The following KMT5A variants were observed in gnomAD, a reference collection of about 807,000 sequenced individuals.
KMT5A encodes the protein lysine methyltransferase 5A.
Under a neutral mutation model 40.6 loss-of-function variants are expected in KMT5A, and 6 were observed. That is an observed-to-expected ratio of 0.15 (90% CI 0.08 to 0.29). The LOEUF (loss-of-function observed/expected upper bound fraction) is 0.29, where lower values mean the gene tolerates loss of function less well. KMT5A is among the 10% of genes least tolerant of loss of function. The probability of loss-of-function intolerance (pLI) is 1.00; values close to 1 mark genes in which losing one functional copy is unlikely to be tolerated. For missense variants in KMT5A, 308 were observed against 459.1 expected (o/e 0.67, Z 3.01); for synonymous variants, 153 against 178.8 (o/e 0.86, Z 1.15).
At chr12:123,396,109 G>A (rs1349606380) in intron 4 of KMT5A, among the ~76,000 whole-genome samples, 1 of 152,156 alleles carries the variant, frequency 6.6e-6, no homozygotes, top group Non-Finnish European at 1.5e-5. Context: ...GCCTCCCAGA[G>A]TGTTGGCATT....
chr12:123,393,922 T>C (rs1231535075), intron 3 of KMT5A, among the ~76,000 whole-genome samples: 1 of 152,148 alleles, frequency 6.6e-6, no homozygotes, highest in Non-Finnish European at 1.5e-5. Context: ...ACTGTTACGT[T>C]CCTGCATAGA....
At chr12:123,402,183 C>T (rs1440927703) in intron 5 of KMT5A, among the ~76,000 whole-genome samples, 1 of 152,216 alleles carries the variant, frequency 6.6e-6, no homozygotes, top group Non-Finnish European at 1.5e-5. Flanking sequence ...CCCCTGGCCT[C>T]ATTTACATTT....
At chr12:123,386,407 G>T (rs1876876110) in intron 1 of KMT5A, among the ~76,000 whole-genome samples, 1 of 151,862 alleles carries the variant, frequency 6.6e-6, no homozygotes, top group African/African-American at 2.4e-5. Context: ...GTAGAGACGG[G>T]GTTTCGCCAT....
intron 3 of KMT5A, among the ~76,000 whole-genome samples, chr12:123,393,335 A>G (rs1037364215): frequency 6.6e-6 from 1 of 152,152 alleles, no homozygotes; most frequent in Non-Finnish European, 1.5e-5. Context: ...CACCCCAGAA[A>G]GGTACCCATT....
intron 3 of KMT5A, among the ~76,000 whole-genome samples, chr12:123,394,416 A>G (rs1877541317): frequency 1.3e-5 from 2 of 152,104 alleles, no homozygotes; most frequent in Admixed American, 6.6e-5. Flanking sequence ...TTACTTAGTT[A>G]TTTAAAAGTA....
At chr12:123,391,832 G>A (rs769838724) in intron 3 of KMT5A, among the ~76,000 whole-genome samples, 1 of 152,204 alleles carries the variant, frequency 6.6e-6, no homozygotes, top group Non-Finnish European at 1.5e-5. Flanking sequence ...CATAAATGAC[G>A]ATTTGGCATG....
chr12:123,389,675 T>A, intron 2 of KMT5A, 121 bp downstream of exon 2: 2 of 683,116 alleles, frequency 2.9e-6, no homozygotes, highest in African/African-American at 3.9e-5. Context: ...TGCTGCCGCC[T>A]GGCTGGGAGT....
In KMT5A at chr12:123,390,108, G is replaced by A. The variant is rs746618127; in HGVS notation, c.133-522G>A. 4.5e-5 allele frequency: 21 copies of A among 468,956 alleles called. 1 individual carries two copies. Among genetic ancestry groups the A allele is most frequent in the South Asian group, 3.1e-4 (20 of 64,576 alleles). The allele number at this position is 468,956 out of a possible 1,614,324, so 29.0% of individuals were successfully genotyped here. ...CAGTCACCCTGAGAGAAGTCCTCCC[G>A]TCGCAGCCCTGGAGGCTGCGGGGCT... is the stretch of plus-strand genomic sequence containing the variant. On this transcript the variant is annotated intron_variant, in intron 2 of 7. Coordinates refer to ENST00000402868, the MANE Select transcript of KMT5A (RefSeq NM_020382.7).
chr12:123,398,965 C>T lies in KMT5A; in HGVS notation c.597+2533C>T, dbSNP rs188030231. Among the ~76,000 whole-genome samples, 192 of 152,264 alleles carry T rather than the reference C, an allele frequency of 1.3e-3. 3 individuals are homozygous for T. Among genetic ancestry groups the T allele is most frequent in the Admixed American group, 9.2e-3 (140 of 15,216 alleles). ...AAGACAGCAGCCAGGGCGGGCCTAG[C>T]GCCAGGGCGTGGGTCCTGGGCAACA... On this transcript the variant is annotated intron_variant, in intron 5 of 7. Coordinates refer to ENST00000402868, the MANE Select transcript of KMT5A (RefSeq NM_020382.7).
rs1412395408 is a variant in KMT5A at position 123,384,484 on chromosome 12, CAT to C, written c.10+279_10+280del. 1.3e-5 allele frequency among the ~76,000 whole-genome samples: 2 copies of C among 152,244 alleles called. No individual in the cohort carries two copies. Among genetic ancestry groups the C allele is most frequent in the African/African-American group, 4.8e-5 (2 of 41,464 alleles). ...GCCTGCCTCTCCACGGCAGCAGATC[CAT>C]ATGTCAGAGCTCTTTGGAAACTAAA... On this transcript the variant is annotated intron_variant, in intron 1 of 7. Coordinates refer to ENST00000402868, the MANE Select transcript of KMT5A (RefSeq NM_020382.7). This position sits in a 1 kb window ranked among gnomAD's most constrained non-coding sequence, Gnocchi z 5.7.
At chr12:123,388,955 C>G (rs1877041426) in intron 1 of KMT5A, 1 of 143,626 alleles carries the variant, frequency 7.0e-6, no homozygotes, top group Non-Finnish European at 1.5e-5. Context: ...CGGCTGCGAG[C>G]GGGCGGGAGG....
At chr12:123,387,006 G>A (rs546630409) in intron 1 of KMT5A, among the ~76,000 whole-genome samples, 2 of 152,018 alleles carry the variant, frequency 1.3e-5, no homozygotes, top group South Asian at 2.1e-4. Flanking sequence ...ACAGGCATGC[G>A]CAACCACGCC....
intron 1 of KMT5A, among the ~76,000 whole-genome samples, chr12:123,387,019 G>A (rs1876914218): frequency 6.6e-6 from 1 of 152,098 alleles, no homozygotes; most frequent in Non-Finnish European, 1.5e-5. Flanking sequence ...ACCACGCCAA[G>A]CTAATTTTTG....
At chr12:123,396,225 G>GT in intron 4 of KMT5A, 120 bp from the exon 5 acceptor site, 1 of 888,048 alleles carries the variant, frequency 1.1e-6, no homozygotes, top group Non-Finnish European at 1.8e-6. Context: ...GGACAAAGGT[G>GT]TTTAAGTGAC....
chr12:123,397,968 C>T (rs766390148), intron 5 of KMT5A, among the ~76,000 whole-genome samples: 16 of 151,022 alleles, frequency 1.1e-4, no homozygotes, highest in Admixed American at 5.9e-4. Context: ...CCACCGTGCT[C>T]GGCCTGCTAG....
intron 3 of KMT5A, among the ~76,000 whole-genome samples, chr12:123,393,584 G>A (rs140744450): frequency 2.9e-4 from 44 of 152,138 alleles, no homozygotes; most frequent in African/African-American, 1.0e-3. Context: ...CTCTCACCCA[G>A]GCTGGAGTAC....
intron 2 of KMT5A, among the ~76,000 whole-genome samples, chr12:123,390,361 A>G (rs1877209319): frequency 6.6e-6 from 1 of 151,996 alleles, no homozygotes; most frequent in South Asian, 2.1e-4. Flanking sequence ...TCTTCTTCCT[A>G]TATAGACCTT....
intron 3 of KMT5A, 109 bp from the exon 4 acceptor site, chr12:123,394,938 C>A: frequency 9.4e-7 from 1 of 1,067,054 alleles, no homozygotes; most frequent in Non-Finnish European, 1.4e-6. Context: ...TCCTGCCTGA[C>A]AAACCCAGGA....
chr12:123,407,716 G>A lies in KMT5A; in HGVS notation c.*13G>A, dbSNP rs200873086. On this transcript the variant is annotated 3_prime_UTR_variant, in exon 8 of 8. Coordinates refer to ENST00000402868, the MANE Select transcript of KMT5A (RefSeq NM_020382.7). ...GCTGAAGCATTAACCGGTGGGCCCC[G>A]TGCCCTCCCCGCCCCACTTTCCCTT... 9.7e-5 allele frequency: 155 copies of A among 1,603,370 alleles called. No homozygotes were observed. The East Asian group carries it at 2.9e-3, about 30-fold the overall frequency.
Sources: allele counts gnomAD v4.1 joint callset (sites outside exome capture counted in the v4.1 genomes callset), GRCh38; gene constraint gnomAD v4.1.1; non-coding constraint Gnocchi (gnomAD v3.1); transcripts MANE v1.5; gene names NCBI Gene and HGNC (gene_info 2026-07-23, HGNC 2026-07-21).